The following SCAF8 variants were observed in gnomAD, a reference collection of about 807,000 sequenced individuals.
SCAF8 encodes the protein SR-related and CTD-associated factor 8.
In SCAF8, 23 loss-of-function variants were observed where a neutral mutation model predicts 140.5. The observed-to-expected ratio is 0.16, with a 90% confidence interval of 0.12 to 0.23. The LOEUF is 0.23. Among genes scored for constraint, SCAF8 ranks in the 10% least tolerant of loss-of-function variants. SCAF8 has a pLI of 1.00. For synonymous variants in SCAF8, 575 were observed against 528.9 expected, an observed-to-expected ratio of 1.09 and a Z score of -1.20; for missense variants, 1,397 against 1,555.7, an observed-to-expected ratio of 0.90 and a Z score of 1.72.
At chr6:154,761,110 G>A (rs980714080) in intron 1 of SCAF8, among the ~76,000 whole-genome samples, 4 of 152,010 alleles carry the variant, frequency 2.6e-5, no homozygotes, top group Admixed American at 2.0e-4. Flanking sequence ...TTGGCTCTAA[G>A]CATTTTTCTT....
At position 154,822,392 on chromosome 6, in the gene SCAF8, C is replaced by T; in HGVS notation, c.1909C>T (p.Pro637Ser). 1.2e-6 allele frequency: 2 copies of T among 1,612,062 alleles called. No homozygotes were observed. The highest frequency in any genetic ancestry group is 1.7e-6 in the Non-Finnish European group (2 of 1,179,152). ...VTTQAEVFPPPVAMLQIPVAP... is the reference protein window; with the variant it reads ...VTTQAEVFPPSVAMLQIPVAP... Reference sequence around the variant, plus strand: ...AACCCAGGCAGAGGTTTTCCCTCCTCCTGTTGCTATGTTGCAGGTTAGTGT... The same window carrying T: ...AACCCAGGCAGAGGTTTTCCCTCCTTCTGTTGCTATGTTGCAGGTTAGTGT... Residue 637 changes from proline to serine, a missense_variant, in exon 16 of 20, where the codon CCT becomes TCT. Pro to Ser is a moderately conservative substitution (Grantham distance 74). Transcript: ENST00000367178.
chr6:154,734,254 G>T (rs1469338524), intron 1 of SCAF8, among the ~76,000 whole-genome samples: 1 of 152,182 alleles, frequency 6.6e-6, no homozygotes, highest in African/African-American at 2.4e-5. Context: ...GGTCAGTTCC[G>T]CCGAGGCCTG....
At chr6:154,782,513 T>C (rs576060211) in intron 3 of SCAF8, among the ~76,000 whole-genome samples, 1 of 152,044 alleles carries the variant, frequency 6.6e-6, no homozygotes, top group East Asian at 1.9e-4. Context: ...AGAAGACAGG[T>C]TTTAGAACTT....
Position 154,824,386 on chromosome 6 carries a change from A to C in SCAF8, c.2071+8A>C. 6.2e-7 allele frequency: 1 copy of C among 1,608,306 alleles called. No individual in the cohort carries two copies. Among genetic ancestry groups the C allele is most frequent in the South Asian group, 1.1e-5 (1 of 90,440 alleles). ...CTTCACAACCACCACCTGGTAAGGA[A>C]TTTTTGTTTTAATATTTGAACTCTA... is the stretch of plus-strand genomic sequence containing the variant. On this transcript the variant is annotated splice_region_variant and intron_variant, in intron 17 of 19. Coordinates refer to ENST00000367178, the MANE Select transcript of SCAF8 (RefSeq NM_014892.5).
At chr6:154,817,432 T>A (rs754886140) in intron 13 of SCAF8, among the ~76,000 whole-genome samples, 9 of 152,238 alleles carry the variant, frequency 5.9e-5, no homozygotes, top group Non-Finnish European at 1.3e-4. Flanking sequence ...TAATAAGCAC[T>A]AAGTTATTTT....
At chr6:154,797,266 TC>T (rs1777634912) in intron 6 of SCAF8, among the ~76,000 whole-genome samples, 1 of 151,474 alleles carries the variant, frequency 6.6e-6, no homozygotes, top group Non-Finnish European at 1.5e-5. Flanking sequence ...TTTATTTCTT[TC>T]TGTTACTACC....
chr6:154,822,816 G>A (rs1362171291), intron 16 of SCAF8, among the ~76,000 whole-genome samples: 6 of 152,046 alleles, frequency 3.9e-5, no homozygotes, highest in Non-Finnish European at 7.4e-5. Context: ...ATTGAGTACT[G>A]GCTCTGTGAC....
chr6:154,821,701 G>T (rs1778426955), intron 15 of SCAF8, among the ~76,000 whole-genome samples: 1 of 152,152 alleles, frequency 6.6e-6, no homozygotes. Flanking sequence ...TCAAAAATAA[G>T]AAGACCATTA....
chr6:154,771,786 C>G (rs1360997469), intron 1 of SCAF8, among the ~76,000 whole-genome samples: 1 of 152,036 alleles, frequency 6.6e-6, no homozygotes, highest in East Asian at 1.9e-4. Context: ...AAGCTCAGTA[C>G]CTGTGTGATG....
At chr6:154,825,273 C>G (rs1177526081) in intron 17 of SCAF8, 2 of 152,148 alleles carry the variant, frequency 1.3e-5, no homozygotes, top group Non-Finnish European at 2.9e-5. Flanking sequence ...GCTGCCAAAG[C>G]AAGTACTGAC....
intron 6 of SCAF8, among the ~76,000 whole-genome samples, chr6:154,797,824 T>C (rs1777651831): frequency 1.3e-5 from 2 of 151,492 alleles, no homozygotes; most frequent in Non-Finnish European, 2.9e-5. Context: ...TTTTCTAACA[T>C]TTTTCATTAC....
intron 1 of SCAF8, among the ~76,000 whole-genome samples, chr6:154,750,150 A>C (rs1411174224): frequency 2.6e-5 from 4 of 152,102 alleles, no homozygotes; most frequent in Non-Finnish European, 5.9e-5. Flanking sequence ...TTTCTCACCA[A>C]GAATAAAAGA....
intron 2 of SCAF8, among the ~76,000 whole-genome samples, chr6:154,777,758 C>T (rs1431241350): frequency 6.6e-6 from 1 of 152,140 alleles, no homozygotes; most frequent in African/African-American, 2.4e-5. Flanking sequence ...TATTTTATAT[C>T]TGTGGTAAGG....
intron 17 of SCAF8, chr6:154,825,212 C>T (rs1778531593): frequency 6.6e-6 from 1 of 152,054 alleles, no homozygotes; most frequent in African/African-American, 2.4e-5. Flanking sequence ...GTGTGTCATC[C>T]TTGCACAAGA....
intron 3 of SCAF8, 93 bp from the exon 4 acceptor site, chr6:154,787,768 C>T (rs1456663423): frequency 2.3e-5 from 23 of 1,018,454 alleles, no homozygotes; most frequent in Non-Finnish European, 3.1e-5. Context: ...TAGGCAATGT[C>T]TTTGTATTTA....
intron 1 of SCAF8, among the ~76,000 whole-genome samples, chr6:154,771,824 A>G (rs1187888861): frequency 6.6e-6 from 1 of 152,206 alleles, no homozygotes; most frequent in Non-Finnish European, 1.5e-5. Flanking sequence ...AAACCTCAGC[A>G]TCACAAAATA....
At chr6:154,778,643 A>T (rs535960777) in intron 3 of SCAF8, among the ~76,000 whole-genome samples, 50 of 152,244 alleles carry the variant, frequency 3.3e-4, no homozygotes, top group Admixed American at 1.2e-3. Flanking sequence ...GCATGCCTGT[A>T]ATCCCAGCTA....
chr6:154,769,474 G>GA, intron 1 of SCAF8, among the ~76,000 whole-genome samples: 1 of 152,294 alleles, frequency 6.6e-6, no homozygotes, highest in Middle Eastern at 3.4e-3. Context: ...ACAGCAGTAG[G>GA]ATGTACTTTC....
At chr6:154,757,726 G>A (rs1375902095) in intron 1 of SCAF8, among the ~76,000 whole-genome samples, 1 of 152,150 alleles carries the variant, frequency 6.6e-6, no homozygotes, top group African/African-American at 2.4e-5. Context: ...AAGATGGATA[G>A]ATCTGTGTAT....
Sources: allele counts gnomAD v4.1 joint callset (sites outside exome capture counted in the v4.1 genomes callset), GRCh38; gene constraint gnomAD v4.1.1; transcripts MANE v1.5; gene names NCBI Gene and HGNC (gene_info 2026-07-23, HGNC 2026-07-21).